SSBP4: variants seen among roughly 807,000 people sequenced by gnomAD.
SSBP4 encodes the protein single stranded DNA binding protein 4, also known as single-stranded DNA-binding protein 4.
Under a neutral mutation model 64.6 loss-of-function variants are expected in SSBP4, and 33 were observed. That is an observed-to-expected ratio of 0.51 (90% CI 0.39 to 0.68). SSBP4 has a LOEUF of 0.68. Among genes scored for constraint, SSBP4 ranks in the 30% least tolerant of loss-of-function variants. The probability of loss-of-function intolerance (pLI) is 0.00; values close to 1 mark genes in which losing one functional copy is unlikely to be tolerated. For synonymous variants in SSBP4, 243 were observed against 224.0 expected, an observed-to-expected ratio of 1.08 and a Z score of -0.76; for missense variants, 583 against 566.8, an observed-to-expected ratio of 1.03 and a Z score of -0.29.
At position 18,434,531 on chromosome 19, in the gene SSBP4, A is replaced by T. The variant is rs10442; in HGVS notation, c.*285A>T. The stretch of plus-strand genomic sequence containing the variant: ...CAGGACGTCAGGGGGTGGGGCCCAT[A>T]AATAAATGGAAGCTGGTTTTGGTTT... On this transcript the variant is annotated 3_prime_UTR_variant, in exon 18 of 18. Coordinates refer to ENST00000270061, the MANE Select transcript of SSBP4 (RefSeq NM_032627.5). The T allele has an allele frequency of 1.3e-5, 7 of 552,960 alleles. No homozygotes were observed. Among genetic ancestry groups the T allele is most frequent in the Middle Eastern group, 4.8e-4 (1 of 2,104 alleles). 34.3% of individuals were successfully genotyped at this position (552,960 alleles called of 1,614,324 possible).
chr19:18,411,251 G>T, the SSBP4 span, among the ~76,000 whole-genome samples: 30,384 of 152,192 alleles, frequency 0.2, 3,132 homozygotes, highest in Admixed American at 0.25. Context: ...TCAACACTTT[G>T]GGATGCCAAA....
rs766536923 is a variant in SSBP4 at position 18,427,839 on chromosome 19, G to A, written c.194+26G>A. ...GTACGGGCTGGGCTGCTGTGGGTGG[G>A]CTGTGGAAGGGGGTTGAGGGAGGCA... On this transcript the variant is annotated intron_variant, in intron 3 of 17. Transcript: ENST00000270061. The surrounding 1 kb of genome is among the most constrained non-coding windows in gnomAD (Gnocchi z 4.4). 14 of 1,613,108 alleles carry A rather than the reference G, an allele frequency of 8.7e-6. No individual in the cohort carries two copies. The South Asian group carries it at 1.2e-4, about 14-fold the overall frequency.
intron 4 of SSBP4, 74 bp downstream of exon 4, chr19:18,428,056 T>TGGGGGGCTTGGGGGGGG: frequency 2.3e-6 from 1 of 444,262 alleles, no homozygotes; most frequent in Non-Finnish European, 3.7e-6. Context: ...GGAGGTGGGG[T>TGGGGGGCTTGGGGGGGG]GGGGGGCTGC....
In SSBP4 at chr19:18,423,239, G is replaced by A. The variant is rs956983218; in HGVS notation, c.59+3532G>A. 3.9e-5 allele frequency among the ~76,000 whole-genome samples: 6 copies of A among 152,174 alleles called. No homozygotes were observed. The highest frequency in any genetic ancestry group is 4.4e-5 in the Non-Finnish European group (3 of 68,032). The stretch of plus-strand genomic sequence containing the variant: ...GCCTGGCAGCTCGTGGGTTTCTCCC[G>A]GGCTTGATTTTGAGCCGGCACATGG... On this transcript the variant is annotated intron_variant, in intron 1 of 17. Transcript: ENST00000270061. This position sits in a 1 kb window ranked among gnomAD's most constrained non-coding sequence, Gnocchi z 4.0.
At chr19:18,431,267 C>T (rs936079257) in intron 5 of SSBP4, 86 bp from the exon 6 acceptor site, 3 of 618,552 alleles carry the variant, frequency 4.9e-6, no homozygotes, top group African/African-American at 3.7e-5. Flanking sequence ...CTGGCCCACC[C>T]CTCTGCCTCC....
intron 15 of SSBP4, 46 bp downstream of exon 15, chr19:18,433,259 T>C: frequency 6.5e-7 from 1 of 1,533,376 alleles, no homozygotes; most frequent in Non-Finnish European, 8.8e-7. Flanking sequence ...TCCGGGCCCG[T>C]GCGCTCCCTG....
the SSBP4 span, among the ~76,000 whole-genome samples, chr19:18,404,990 C>T: frequency 6.8e-6 from 1 of 146,008 alleles, no homozygotes; most frequent in African/African-American, 2.6e-5. Flanking sequence ...CAGAGGCCCC[C>T]CCCCCCGCGA....
chr19:18,420,829 C>T (rs1164698344), intron 1 of SSBP4, among the ~76,000 whole-genome samples: 1 of 150,288 alleles, frequency 6.7e-6, no homozygotes, highest in African/African-American at 2.5e-5. Flanking sequence ...TCCAGCCTGG[C>T]GACAGAGCCA....
At chr19:18,417,020 C>T (rs1877766072), upstream of SSBP4, among the ~76,000 whole-genome samples, 2 of 152,152 alleles carry the variant, frequency 1.3e-5, no homozygotes, top group African/African-American at 4.8e-5. This position sits in a 1 kb window ranked among gnomAD's most constrained non-coding sequence, Gnocchi z 5.4. Context: ...CCCTCCGCGC[C>T]TCCCCCATCA....
Position 18,427,484 on chromosome 19 carries a change from T to C in SSBP4, c.132+61T>C. 6.3e-7 allele frequency: 1 copy of C among 1,576,090 alleles called. No individual in the cohort carries two copies. The highest frequency in any genetic ancestry group is 8.6e-7 in the Non-Finnish European group (1 of 1,161,196). On this transcript the variant is annotated intron_variant, in intron 2 of 17. Transcript: ENST00000270061. The surrounding 1 kb of genome is among the most constrained non-coding windows in gnomAD (Gnocchi z 4.4). ...ACCCACACTCCGGGGGTCCTTCATT[T>C]CCACTGGGGATCCAGGGGGTGGGCC...
At chr19:18,412,671 G>A in the SSBP4 span, among the ~76,000 whole-genome samples, 4 of 152,090 alleles carry the variant, frequency 2.6e-5, no homozygotes, top group Non-Finnish European at 5.9e-5. Context: ...CCTTGATGCC[G>A]TGATGAGCCT....
In SSBP4 at chr19:18,419,645, C is replaced by T; in HGVS notation, c.-4C>T. On this transcript the variant is annotated 5_prime_UTR_variant, in exon 1 of 18. Coordinates refer to ENST00000270061, the MANE Select transcript of SSBP4 (RefSeq NM_032627.5). ...GGGCCCCGGCGGCGGCGGCGTGGAGCAGCATGTACGCCAAGGGGGGCAAGG... is the reference window on the plus strand; with the variant it reads ...GGGCCCCGGCGGCGGCGGCGTGGAGTAGCATGTACGCCAAGGGGGGCAAGG... 1.6e-6 allele frequency: 2 copies of T among 1,261,930 alleles called. No homozygotes were observed. The highest frequency in any genetic ancestry group is 2.1e-5 in the South Asian group (1 of 47,834). The allele number at this position is 1,261,930 out of a possible 1,614,324, so 78.2% of individuals were successfully genotyped here.
At chr19:18,425,089 AGGAGGGGGC>A (rs1308179818) in intron 1 of SSBP4, among the ~76,000 whole-genome samples, 5 of 20,886 alleles carry the variant, frequency 2.4e-4, no homozygotes, top group South Asian at 1.2e-3. Context: ...GGAGGACAGC[AGGAGGGGGC>A]GGAGAGGGCG....
intron 1 of SSBP4, among the ~76,000 whole-genome samples, chr19:18,421,625 C>T (rs1972472649): frequency 1.3e-5 from 2 of 152,156 alleles, no homozygotes; most frequent in Admixed American, 6.5e-5. Context: ...TGATAGATAG[C>T]GAAGGGTGAG....
At position 18,423,861 on chromosome 19, in the gene SSBP4, C is replaced by T. The variant is rs1211138148; in HGVS notation, c.60-3490C>T. On this transcript the variant is annotated intron_variant, in intron 1 of 17. Transcript: ENST00000270061. The surrounding 1 kb of genome is among the most constrained non-coding windows in gnomAD (Gnocchi z 4.0). ...AGGTGACAGGCCCTGAGAGGTTGTACCGGCCCAGGGCAGGTGGCCGGTGGG... is the reference window on the plus strand; with the variant it reads ...AGGTGACAGGCCCTGAGAGGTTGTATCGGCCCAGGGCAGGTGGCCGGTGGG... Among the ~76,000 whole-genome samples, 2 of 152,084 alleles carry T rather than the reference C, an allele frequency of 1.3e-5. No individual in the cohort carries two copies. The highest frequency in any genetic ancestry group is 4.8e-5 in the African/African-American group (2 of 41,414).
upstream of SSBP4, among the ~76,000 whole-genome samples, chr19:18,415,073 C>G (rs1056656353): frequency 1.2e-4 from 17 of 142,448 alleles, no homozygotes; most frequent in Non-Finnish European, 1.7e-4. Flanking sequence ...CACCCCCCAC[C>G]CTCGACCTAC....
At chr19:18,434,192 G>A (rs771682870) in intron 17 of SSBP4, 25 bp from the exon 18 acceptor site, 1 of 1,610,360 alleles carries the variant, frequency 6.2e-7, no homozygotes, top group Non-Finnish European at 8.5e-7. Context: ...CGGCCCCTGC[G>A]CGCTGCCCCC....
Position 18,423,616 on chromosome 19 carries a change from G to A in SSBP4, c.60-3735G>A, listed in dbSNP as rs749184892. Among the ~76,000 whole-genome samples, 20 of 152,180 alleles carry A rather than the reference G, an allele frequency of 1.3e-4. No homozygotes were observed. The highest frequency in any genetic ancestry group is 4.6e-4 in the African/African-American group (19 of 41,434). Reference sequence around the variant, plus strand: ...ATTCTGGGTAATTATGGTAACTCGCGTCATTACGGTGGTAGCTGTGGTACA... The same window carrying A: ...ATTCTGGGTAATTATGGTAACTCGCATCATTACGGTGGTAGCTGTGGTACA... On this transcript the variant is annotated intron_variant, in intron 1 of 17. Transcript: ENST00000270061. This position sits in a 1 kb window ranked among gnomAD's most constrained non-coding sequence, Gnocchi z 4.0.
At chr19:18,406,032 G>A in the SSBP4 span, among the ~76,000 whole-genome samples, 1 of 151,666 alleles carries the variant, frequency 6.6e-6, no homozygotes, top group African/African-American at 2.4e-5. Flanking sequence ...AGAGAGATGG[G>A]GTTTTTGCCA....
Sources: allele counts gnomAD v4.1 joint callset (sites outside exome capture counted in the v4.1 genomes callset), GRCh38; gene constraint gnomAD v4.1.1; non-coding constraint Gnocchi (gnomAD v3.1); transcripts MANE v1.5; gene names NCBI Gene and HGNC (gene_info 2026-07-23, HGNC 2026-07-21).